Variants in PPM1A observed in about 807,000 individuals in gnomAD.
PPM1A encodes protein phosphatase 1A.
Under a neutral mutation model 35.0 loss-of-function variants are expected in PPM1A, and 7 were observed. That is an observed-to-expected ratio of 0.20 (90% confidence interval 0.11 to 0.38). The LOEUF (loss-of-function observed/expected upper bound fraction) is 0.38, where lower values mean the gene tolerates loss of function less well. Among genes scored for constraint, PPM1A ranks in the 10% least tolerant of loss-of-function variants. The pLI is 1.00. For synonymous variants in PPM1A, 153 were observed against 167.3 expected (o/e 0.91, Z 0.66); for missense variants, 239 against 467.8 (o/e 0.51, Z 4.51).
Position 60,273,993 on chromosome 14 carries a change from T to A in PPM1A, c.-20-8691T>A, listed in dbSNP as rs775737049. 6.6e-6 allele frequency among the ~76,000 whole-genome samples: 1 copy of A among 152,126 alleles called. No individual in the cohort carries two copies. Among genetic ancestry groups the A allele is most frequent in the Non-Finnish European group, 1.5e-5 (1 of 68,018 alleles). ...TGTTCTTGGTTTGTATTCACCTTGGTGGGTGATGGTGCCATTCACTGGTAA... is the reference window on the plus strand; with the variant it reads ...TGTTCTTGGTTTGTATTCACCTTGGAGGGTGATGGTGCCATTCACTGGTAA... On this transcript the variant is annotated intron_variant, in intron 1 of 5. Transcript: ENST00000395076. The surrounding 1 kb of genome is among the most constrained non-coding windows in gnomAD (Gnocchi z 4.3).
In PPM1A at chr14:60,282,747, C is replaced by T; in HGVS notation, c.44C>T (p.Ala15Val). 1 of 1,614,196 alleles carries T rather than the reference C, an allele frequency of 6.2e-7. No individual in the cohort carries two copies. Among genetic ancestry groups the T allele is most frequent in the Non-Finnish European group, 8.5e-7 (1 of 1,180,034 alleles). The change falls in exon 2 of 6, where the codon GCC (alanine) becomes GTC (valine). Residue 15 changes from alanine (A) to valine (V), a missense_variant. This residue lies in a region of PPM1A where 175 missense variants were observed against 389.2 expected (regional missense o/e 0.45). Coordinates refer to ENST00000395076, the MANE Select transcript of PPM1A (RefSeq NM_021003.5). The surrounding 1 kb of genome is among the most constrained non-coding windows in gnomAD (Gnocchi z 5.1). ...AAGCCAAAGATGGAAAAGCATAATG[C>T]CCAGGGGCAGGGTAATGGGTTGCGA... ...LDKPKMEKHN[A>V]QGQGNGLRYG...
intron 3 of PPM1A, chr14:60,287,071 C>T (rs1449804773): frequency 1.1e-6 from 1 of 948,324 alleles, no homozygotes; most frequent in Non-Finnish European, 1.3e-6. Context: ...AATGTATTGG[C>T]ACTTTAACTT....
At chr14:60,266,411 T>G (rs144727270) in intron 1 of PPM1A, among the ~76,000 whole-genome samples, 1 of 152,186 alleles carries the variant, frequency 6.6e-6, no homozygotes, top group Non-Finnish European at 1.5e-5. Context: ...AATCAGTCTT[T>G]TCTTGTCATC....
At chr14:60,256,883 T>C (rs1883196966) in intron 1 of PPM1A, 1 of 152,210 alleles carries the variant, frequency 6.6e-6, no homozygotes, top group Non-Finnish European at 1.5e-5. Flanking sequence ...CTCTTGGCCA[T>C]TGTGATGGGT....
chr14:60,290,420 T>C (rs1388608612), intron 4 of PPM1A, among the ~76,000 whole-genome samples: 1 of 152,174 alleles, frequency 6.6e-6, no homozygotes, highest in East Asian at 1.9e-4. Flanking sequence ...AATATATTTC[T>C]TGTCTTTTCC....
At chr14:60,277,197 C>T (rs993614360) in intron 1 of PPM1A, 2 of 242,130 alleles carry the variant, frequency 8.3e-6, no homozygotes. Flanking sequence ...AATTATTGGA[C>T]TAAATAAAAT....
intron 1 of PPM1A, among the ~76,000 whole-genome samples, chr14:60,255,571 G>A (rs1428093967): frequency 6.6e-6 from 1 of 152,198 alleles, no homozygotes; most frequent in Non-Finnish European, 1.5e-5. Context: ...AAGGCTAGCG[G>A]CTAGCACAGT....
At chr14:60,277,159 T>TCTGTC in intron 1 of PPM1A, 1 of 554,746 alleles carries the variant, frequency 1.8e-6, no homozygotes, top group Non-Finnish European at 2.5e-6. Flanking sequence ...CCCCTTGGGA[T>TCTGTC]TTACTATTTA....
rs181981855 is a variant in PPM1A at position 60,279,836 on chromosome 14, T to G, written c.-20-2848T>G. On this transcript the variant is annotated intron_variant, in intron 1 of 5. Transcript: ENST00000395076. ...ATCAGAGCTGGCGGCAAGGAGGAAATATTATTGTGATTGACTGCCTCCTCT... is the reference window on the plus strand; with the variant it reads ...ATCAGAGCTGGCGGCAAGGAGGAAAGATTATTGTGATTGACTGCCTCCTCT... Among the ~76,000 whole-genome samples the G allele has an allele frequency of 4.6e-5, 7 of 152,220 alleles. No individual in the cohort carries two copies. In the East Asian group the frequency reaches 1.2e-3, roughly 25 times the overall value.
At position 60,292,713 on chromosome 14, in the gene PPM1A, T is replaced by A. The variant is rs1887766703; in HGVS notation, c.*231T>A. 1 of 381,274 alleles carries A rather than the reference T, an allele frequency of 2.6e-6. No individual in the cohort carries two copies. 23.6% of individuals were successfully genotyped at this position (381,274 alleles called of 1,614,324 possible). A position where few individuals can be genotyped will look rare whatever the true frequency, so the allele number is the denominator to read the frequency against. On this transcript the variant is annotated 3_prime_UTR_variant, in exon 6 of 6. Transcript: ENST00000395076. The surrounding 1 kb of genome is among the most constrained non-coding windows in gnomAD (Gnocchi z 4.2). ...GCGTGATTTCAAACCATAATTCGTG[T>A]TGTAAATCAGACTCCAGCAATTTTT...
intron 1 of PPM1A, among the ~76,000 whole-genome samples, chr14:60,255,174 G>GTT (rs1219454729): frequency 0.022 from 1,226 of 55,200 alleles, 53 homozygotes; most frequent in African/African-American, 0.1. Flanking sequence ...TTTTTTTTTT[G>GTT]TTTTGTTTTG....
At chr14:60,257,308 T>C (rs1477799218) in intron 1 of PPM1A, among the ~76,000 whole-genome samples, 1 of 152,194 alleles carries the variant, frequency 6.6e-6, no homozygotes, top group Admixed American at 6.5e-5. Flanking sequence ...TTATTGAAAA[T>C]AAATTCCTTA....
intron 1 of PPM1A, among the ~76,000 whole-genome samples, chr14:60,262,905 C>T (rs1883923470): frequency 6.6e-6 from 1 of 152,148 alleles, no homozygotes; most frequent in Non-Finnish European, 1.5e-5. Flanking sequence ...ACTACCTTAG[C>T]CATGTTGCAG....
At chr14:60,252,983 C>T (rs1005048057) in intron 1 of PPM1A, among the ~76,000 whole-genome samples, 2 of 152,090 alleles carry the variant, frequency 1.3e-5, no homozygotes, top group East Asian at 1.9e-4. Context: ...TTCTGTATAC[C>T]TGTATCTAAA....
chr14:60,272,690 CAAAAAAAAAAA>C (rs34892158), intron 1 of PPM1A, among the ~76,000 whole-genome samples: 2 of 68,598 alleles, frequency 2.9e-5, no homozygotes, highest in Non-Finnish European at 5.6e-5. Context: ...GACTCTGTCT[CAAAAAAAAAAA>C]AAAAAAAAAA....
intron 1 of PPM1A, among the ~76,000 whole-genome samples, chr14:60,278,618 A>G (rs1368309533): frequency 6.6e-6 from 1 of 152,178 alleles, no homozygotes; most frequent in Non-Finnish European, 1.5e-5. Flanking sequence ...TCTGTGTGTT[A>G]GGCTGTGCTC....
At chr14:60,267,785 A>T (rs745755001) in intron 1 of PPM1A, among the ~76,000 whole-genome samples, 2 of 151,888 alleles carry the variant, frequency 1.3e-5, no homozygotes, top group African/African-American at 4.8e-5. Flanking sequence ...AATTGTTAAC[A>T]TTTTTCCACA....
chr14:60,265,562 T>C (rs1409683750), intron 1 of PPM1A, among the ~76,000 whole-genome samples: 1 of 152,260 alleles, frequency 6.6e-6, no homozygotes, highest in Non-Finnish European at 1.5e-5. Context: ...TTGGAACAGA[T>C]ACATTTCAAA....
At chr14:60,281,759 A>G (rs1047925178) in intron 1 of PPM1A, among the ~76,000 whole-genome samples, 4 of 152,142 alleles carry the variant, frequency 2.6e-5, no homozygotes, top group African/African-American at 9.7e-5. Flanking sequence ...TTAACTTTTG[A>G]GTATTGGAAA....
Sources: allele counts gnomAD v4.1 joint callset (sites outside exome capture counted in the v4.1 genomes callset), GRCh38; gene constraint gnomAD v4.1.1; regional missense constraint gnomAD v4.1.1; non-coding constraint Gnocchi (gnomAD v3.1); transcripts MANE v1.5; gene names NCBI Gene and HGNC (gene_info 2026-07-23, HGNC 2026-07-21).